The following LRRN2 variants were observed in gnomAD, a reference collection of about 807,000 sequenced individuals.
LRRN2 encodes leucine rich repeat neuronal 2.
LRRN2 carries 10 observed loss-of-function variants against 35.7 expected under a neutral mutation model. That is an observed-to-expected ratio of 0.28 (90% confidence interval 0.17 to 0.47). The LOEUF (loss-of-function observed/expected upper bound fraction) is 0.47, where lower values mean the gene tolerates loss of function less well. LRRN2 is among the 20% of genes least tolerant of loss of function. LRRN2 has a pLI of 0.99. For synonymous variants in LRRN2, 391 were observed against 409.6 expected (o/e 0.95, Z 0.55); for missense variants, 731 against 940.3 (o/e 0.78, Z 2.91).
intron 1 of LRRN2, among the ~76,000 whole-genome samples, chr1:204,656,918 A>G (rs996210710): frequency 1.6e-4 from 24 of 152,216 alleles, no homozygotes; most frequent in African/African-American, 5.3e-4. Flanking sequence ...GAAGGAAACA[A>G]CATATTTTAA....
intron 1 of LRRN2, chr1:204,628,325 CTG>C (rs1440146175): frequency 6.6e-6 from 1 of 152,304 alleles, no homozygotes; most frequent in Non-Finnish European, 1.5e-5. Context: ...ACCGACCTCT[CTG>C]AGAGCACAGG....
In LRRN2 at chr1:204,617,334, G is replaced by A. The variant is rs1666407950; in HGVS notation, c.*517C>T. The A allele has an allele frequency of 6.5e-6, 1 of 154,186 alleles. No individual in the cohort carries two copies. Among genetic ancestry groups the A allele is most frequent in the Admixed American group, 6.4e-5 (1 of 15,650 alleles). The allele number at this position is 154,186 out of a possible 1,614,324, so 9.6% of individuals were successfully genotyped here. ...AGCTTCGGAATGCCGAGCCCAGGCT[G>A]CTGAGATGAGGCGTTCCTGGGCATC... On this transcript the variant is annotated 3_prime_UTR_variant, in exon 2 of 2. Transcript: ENST00000367177.
chr1:204,653,008 C>T (rs189858729), intron 1 of LRRN2, among the ~76,000 whole-genome samples: 1 of 152,328 alleles, frequency 6.6e-6, no homozygotes, highest in East Asian at 1.9e-4. Flanking sequence ...AGTTGGTCCT[C>T]AGGTCAGAGC....
At chr1:204,674,429 G>A (rs772708882) in intron 1 of LRRN2, among the ~76,000 whole-genome samples, 5 of 152,158 alleles carry the variant, frequency 3.3e-5, no homozygotes, top group East Asian at 1.9e-4. Context: ...GACCAACACC[G>A]GGGAGCTGGC....
In LRRN2 at chr1:204,617,847, A is replaced by G. The variant is rs1325327517; in HGVS notation, c.*4T>C. ...TTTCTCTACTGCTGAGAACAGGCTGAGCTTCAAGAATTTTGAGACAATGGT... is the reference window on the plus strand; with the variant it reads ...TTTCTCTACTGCTGAGAACAGGCTGGGCTTCAAGAATTTTGAGACAATGGT... On this transcript the variant is annotated 3_prime_UTR_variant, in exon 2 of 2. Transcript: ENST00000367177. 2 of 1,614,048 alleles carry G rather than the reference A, an allele frequency of 1.2e-6. No individual in the cohort carries two copies. The highest frequency in any genetic ancestry group is 3.3e-5 in the Admixed American group (2 of 60,030).
chr1:204,624,143 G>A (rs1030252782), intron 1 of LRRN2, among the ~76,000 whole-genome samples: 1 of 152,214 alleles, frequency 6.6e-6, no homozygotes, highest in African/African-American at 2.4e-5. Context: ...GAAAACCTGA[G>A]TCCTCAGCTC....
chr1:204,683,168 CA>C (rs1240004114), intron 1 of LRRN2, among the ~76,000 whole-genome samples: 1 of 152,176 alleles, frequency 6.6e-6, no homozygotes, highest in Non-Finnish European at 1.5e-5. Context: ...CAGGGCCAGG[CA>C]AATGCAGCTG....
intron 1 of LRRN2, among the ~76,000 whole-genome samples, chr1:204,658,411 A>T (rs1668404427): frequency 1.3e-5 from 2 of 152,230 alleles, no homozygotes; most frequent in Admixed American, 1.3e-4. Context: ...AGGCTTCCCC[A>T]TTTGGCTTGG....
chr1:204,652,771 C>T (rs147538255), intron 1 of LRRN2, among the ~76,000 whole-genome samples: 1 of 152,180 alleles, frequency 6.6e-6, no homozygotes, highest in Non-Finnish European at 1.5e-5. Context: ...GCCCGGACAC[C>T]TGCAGATTGA....
At chr1:204,640,882 A>C (rs1667960144) in intron 1 of LRRN2, among the ~76,000 whole-genome samples, 1 of 152,156 alleles carries the variant, frequency 6.6e-6, no homozygotes, top group African/African-American at 2.4e-5. Flanking sequence ...ACAGTTCCAC[A>C]TCATTACCGC....
chr1:204,677,647 C>T (rs978143587), intron 1 of LRRN2, among the ~76,000 whole-genome samples: 4 of 152,180 alleles, frequency 2.6e-5, no homozygotes, highest in African/African-American at 7.2e-5. Context: ...TTCCAGAGAA[C>T]ATGGCTCCAG....
chr1:204,624,406 A>G (rs1667160333), intron 1 of LRRN2, among the ~76,000 whole-genome samples: 1 of 152,176 alleles, frequency 6.6e-6, no homozygotes, highest in African/African-American at 2.4e-5. Context: ...GACAGGAGAC[A>G]AAAGCCCTAG....
At chr1:204,667,408 G>T (rs1256405601) in intron 1 of LRRN2, among the ~76,000 whole-genome samples, 2 of 152,070 alleles carry the variant, frequency 1.3e-5, no homozygotes, top group Admixed American at 1.3e-4. Context: ...AAAAAATAGG[G>T]TGCAAAACAT....
intron 1 of LRRN2, among the ~76,000 whole-genome samples, chr1:204,666,896 A>G (rs1390571613): frequency 1.5e-5 from 2 of 132,430 alleles, no homozygotes; most frequent in Non-Finnish European, 3.1e-5. Flanking sequence ...TGGGAGGCAG[A>G]GGTTGCAGTG....
intron 1 of LRRN2, chr1:204,664,499 A>C (rs1445916691): frequency 6.6e-6 from 1 of 151,502 alleles, no homozygotes. Context: ...CTCTCCCTCC[A>C]CTCTGACTTA....
intron 1 of LRRN2, among the ~76,000 whole-genome samples, chr1:204,657,201 A>C (rs1257855402): frequency 1.3e-5 from 2 of 152,216 alleles, no homozygotes. Flanking sequence ...GCTACTTGGG[A>C]GGCTGAGGCA....
intron 1 of LRRN2, among the ~76,000 whole-genome samples, chr1:204,625,369 G>A (rs1020994330): frequency 2.0e-5 from 3 of 152,052 alleles, no homozygotes; most frequent in Non-Finnish European, 2.9e-5. Flanking sequence ...CATTGGATTG[G>A]AGCAAAAGTA....
intron 1 of LRRN2, among the ~76,000 whole-genome samples, chr1:204,657,064 A>G (rs1188436964): frequency 6.6e-6 from 1 of 152,120 alleles, no homozygotes; most frequent in Non-Finnish European, 1.5e-5. Context: ...CAGCACTTTG[A>G]GAACCGAGGC....
At chr1:204,658,907 A>G (rs772878453) in intron 1 of LRRN2, among the ~76,000 whole-genome samples, 1 of 152,214 alleles carries the variant, frequency 6.6e-6, no homozygotes, top group South Asian at 2.1e-4. Flanking sequence ...ATGTTAGTCC[A>G]TCATGTTTAA....
Sources: allele counts gnomAD v4.1 joint callset (sites outside exome capture counted in the v4.1 genomes callset), GRCh38; gene constraint gnomAD v4.1.1; transcripts MANE v1.5; gene names NCBI Gene and HGNC (gene_info 2026-07-23, HGNC 2026-07-21).